ABHD17C: variants seen among roughly 807,000 people sequenced by gnomAD.
The protein encoded by ABHD17C is abhydrolase domain containing 17C, depalmitoylase.
In ABHD17C, 11 loss-of-function variants were observed where a neutral mutation model predicts 27.9. The observed-to-expected ratio is 0.39, with a 90% CI of 0.25 to 0.65. ABHD17C has a LOEUF of 0.65. Among genes scored for constraint, ABHD17C ranks in the 30% least tolerant of loss-of-function variants. The pLI, the probability that ABHD17C is intolerant of heterozygous loss-of-function variation, is 0.45. For missense variants in ABHD17C, 280 were observed against 470.2 expected (o/e 0.60, Z 3.74); for synonymous variants, 233 against 209.1 (o/e 1.11, Z -0.98).
chr15:80,713,078 T>C (rs566770911), intron 1 of ABHD17C, among the ~76,000 whole-genome samples: 233 of 152,102 alleles, frequency 1.5e-3, no homozygotes, highest in African/African-American at 5.1e-3. Context: ...ATTACTACTT[T>C]GTAAGTCTTT....
intron 1 of ABHD17C, among the ~76,000 whole-genome samples, chr15:80,748,557 G>A (rs1018942060): frequency 2.6e-5 from 4 of 151,932 alleles, no homozygotes; most frequent in African/African-American, 7.3e-5. Flanking sequence ...TTAGACATTC[G>A]TCTTCATTTC....
At chr15:80,751,414 G>A (rs183351165) in intron 2 of ABHD17C, among the ~76,000 whole-genome samples, 4 of 152,240 alleles carry the variant, frequency 2.6e-5, no homozygotes, top group South Asian at 4.2e-4. Context: ...TACAGATGAG[G>A]AAATGAGAGG....
intron 1 of ABHD17C, among the ~76,000 whole-genome samples, chr15:80,746,530 T>C (rs866156669): frequency 6.6e-6 from 1 of 152,152 alleles, no homozygotes; most frequent in Non-Finnish European, 1.5e-5. Flanking sequence ...AGGATGTGAG[T>C]CCATTGGAAT....
chr15:80,735,242 C>G (rs945146163), intron 1 of ABHD17C, among the ~76,000 whole-genome samples: 4 of 152,160 alleles, frequency 2.6e-5, no homozygotes, highest in Non-Finnish European at 5.9e-5. Flanking sequence ...TTCCAAAGTT[C>G]CCTGAAACTC....
intron 1 of ABHD17C, among the ~76,000 whole-genome samples, chr15:80,728,973 G>A (rs1458313010): frequency 6.6e-6 from 1 of 152,216 alleles, no homozygotes; most frequent in East Asian, 1.9e-4. Context: ...GTGAGTGCCA[G>A]CCACATGAAA....
chr15:80,749,361 A>G (rs1463375012), intron 1 of ABHD17C, among the ~76,000 whole-genome samples, 152 bp from the exon 2 acceptor site: 1 of 152,200 alleles, frequency 6.6e-6, no homozygotes, highest in Non-Finnish European at 1.5e-5. Flanking sequence ...TGTCAAGCTC[A>G]CATTCATCTT....
intron 1 of ABHD17C, among the ~76,000 whole-genome samples, chr15:80,743,347 G>A (rs1387722358): frequency 2.0e-5 from 3 of 152,074 alleles, no homozygotes; most frequent in African/African-American, 7.2e-5. Context: ...CCCACTACCG[G>A]CTGTGTATGT....
At chr15:80,723,538 G>T (rs1894927990) in intron 1 of ABHD17C, among the ~76,000 whole-genome samples, 1 of 152,170 alleles carries the variant, frequency 6.6e-6, no homozygotes, top group Non-Finnish European at 1.5e-5. Flanking sequence ...GATAGTATTA[G>T]GGATTCCAAA....
intron 1 of ABHD17C, among the ~76,000 whole-genome samples, chr15:80,718,752 C>T (rs1202761897): frequency 6.6e-6 from 1 of 152,220 alleles, no homozygotes; most frequent in Non-Finnish European, 1.5e-5. Flanking sequence ...AAATTAGCAT[C>T]TGGTGACTTG....
intron 1 of ABHD17C, among the ~76,000 whole-genome samples, chr15:80,741,396 C>T (rs1185872975): frequency 1.3e-5 from 2 of 151,342 alleles, no homozygotes; most frequent in Admixed American, 6.9e-5. Context: ...TTTGTTCTTA[C>T]TGTAGATCCT....
chr15:80,742,133 A>C (rs1454539006), intron 1 of ABHD17C, among the ~76,000 whole-genome samples: 2 of 152,208 alleles, frequency 1.3e-5, no homozygotes, highest in East Asian at 3.8e-4. Context: ...GGGGGACTCT[A>C]CTGTATATAC....
At chr15:80,712,139 G>A (rs896967344) in intron 1 of ABHD17C, among the ~76,000 whole-genome samples, 2 of 152,172 alleles carry the variant, frequency 1.3e-5, no homozygotes, top group African/African-American at 4.8e-5. Flanking sequence ...GGTTACTGAT[G>A]ACTGTACCTG....
chr15:80,713,351 G>GTTT (rs1596062478), intron 1 of ABHD17C, among the ~76,000 whole-genome samples: 1 of 28,138 alleles, frequency 3.6e-5, no homozygotes, highest in African/African-American at 2.1e-4. Context: ...CTGAGGTCTT[G>GTTT]TTCTTTTTTT....
intron 1 of ABHD17C, among the ~76,000 whole-genome samples, chr15:80,715,167 G>A (rs118037555): frequency 0.015 from 2,226 of 152,338 alleles, 28 homozygotes; most frequent in Non-Finnish European, 0.022. Flanking sequence ...ACTGTTTTCT[G>A]ATGACATAAA....
At chr15:80,734,369 G>A (rs1241721413) in intron 1 of ABHD17C, among the ~76,000 whole-genome samples, 1 of 152,154 alleles carries the variant, frequency 6.6e-6, no homozygotes, top group Admixed American at 6.5e-5. Context: ...ACAGATATTT[G>A]TGCAGTTGTA....
At chr15:80,748,111 A>G (rs1356993995) in intron 1 of ABHD17C, among the ~76,000 whole-genome samples, 2 of 152,178 alleles carry the variant, frequency 1.3e-5, no homozygotes, top group Admixed American at 6.5e-5. Context: ...GGTGCTCTCC[A>G]TAAAGCATGT....
chr15:80,747,574 G>T (rs894721752), intron 1 of ABHD17C, among the ~76,000 whole-genome samples: 11 of 152,174 alleles, frequency 7.2e-5, no homozygotes, highest in African/African-American at 2.4e-4. Flanking sequence ...GGCACAGGAT[G>T]CTGCTGTATC....
chr15:80,752,535 C>G (rs1895378685), intron 2 of ABHD17C, among the ~76,000 whole-genome samples: 1 of 152,162 alleles, frequency 6.6e-6, no homozygotes, highest in African/African-American at 2.4e-5. Context: ...GTGGTCATTC[C>G]TCTCTCACTG....
intron 1 of ABHD17C, among the ~76,000 whole-genome samples, chr15:80,744,212 G>A (rs563090998): frequency 2.6e-5 from 4 of 152,080 alleles, no homozygotes; most frequent in Non-Finnish European, 5.9e-5. Context: ...TGAAGAATCC[G>A]CACACCCACT....
Sources: gnomAD v4.1 joint callset for allele counts (sites outside exome capture counted in the v4.1 genomes callset) on GRCh38, gnomAD v4.1.1 for gene constraint, MANE v1.5 for transcripts, NCBI Gene and HGNC (gene_info 2026-07-23, HGNC 2026-07-21) for gene names.